Variants in GRIK3 observed in about 807,000 individuals in gnomAD.
GRIK3 encodes glutamate receptor ionotropic, kainate 3.
Under a neutral mutation model 102.5 loss-of-function variants are expected in GRIK3, and 29 were observed. That is an observed-to-expected ratio of 0.28 (90% CI 0.21 to 0.39). GRIK3 has a LOEUF of 0.39. GRIK3 is among the 10% of genes least tolerant of loss of function. GRIK3 has a pLI of 1.00. For missense variants in GRIK3, 908 were observed against 1,252.4 expected, an observed-to-expected ratio of 0.73 and a Z score of 4.15; for synonymous variants, 511 against 504.9, an observed-to-expected ratio of 1.01 and a Z score of -0.16.
At chr1:36,975,522 C>G (rs1050060416) in intron 1 of GRIK3, among the ~76,000 whole-genome samples, 1 of 152,100 alleles carries the variant, frequency 6.6e-6, no homozygotes, top group African/African-American at 2.4e-5. Flanking sequence ...TCTCGATCTC[C>G]GGACCTCGTG....
intron 2 of GRIK3, among the ~76,000 whole-genome samples, chr1:36,886,111 T>C (rs770012867): frequency 2.0e-5 from 3 of 152,196 alleles, no homozygotes; most frequent in African/African-American, 4.8e-5. Flanking sequence ...TGGCGCTGCC[T>C]GGAAGTCACT....
At chr1:37,023,013 T>C (rs1454187700) in intron 1 of GRIK3, among the ~76,000 whole-genome samples, 1 of 152,144 alleles carries the variant, frequency 6.6e-6, no homozygotes, top group Non-Finnish European at 1.5e-5. Context: ...AACCTTAGTA[T>C]GAGTAGAAGT....
In GRIK3 at chr1:36,923,194, T is replaced by C. The variant is rs3753766; in HGVS notation, c.116-32098A>G. 5.1e-4 allele frequency among the ~76,000 whole-genome samples: 77 copies of C among 152,264 alleles called. 1 individual carries two copies. The East Asian group carries it at 0.011, about 22-fold the overall frequency. On this transcript the variant is annotated intron_variant, in intron 1 of 15. Transcript: ENST00000373091. Reference sequence around the variant, plus strand: ...TGATTAAAACCACCCTAGGTAAAAATGTACGTATCAGCGCTTTGCCCACAG... The same window carrying C: ...TGATTAAAACCACCCTAGGTAAAAACGTACGTATCAGCGCTTTGCCCACAG...
intron 1 of GRIK3, among the ~76,000 whole-genome samples, chr1:36,957,932 C>T (rs1206983607): frequency 1.2e-4 from 7 of 58,692 alleles, no homozygotes; most frequent in African/African-American, 4.0e-4. Flanking sequence ...CTGTGTGCCC[C>T]ATGAGCCTGT....
At chr1:36,832,210 C>T (rs544797403) in intron 10 of GRIK3, among the ~76,000 whole-genome samples, 3 of 152,194 alleles carry the variant, frequency 2.0e-5, no homozygotes, top group Non-Finnish European at 4.4e-5. Context: ...AGAGTGAGGC[C>T]GGAGCCTGTC....
intron 10 of GRIK3, among the ~76,000 whole-genome samples, chr1:36,831,743 G>A (rs1640302501): frequency 6.6e-6 from 1 of 152,188 alleles, no homozygotes; most frequent in East Asian, 1.9e-4. Context: ...TTGTAAGACT[G>A]AGGAACTGAA....
At chr1:36,956,563 C>T (rs968008636) in intron 1 of GRIK3, among the ~76,000 whole-genome samples, 15 of 152,258 alleles carry the variant, frequency 9.9e-5, no homozygotes, top group Admixed American at 2.0e-4. Context: ...ACACCACTCT[C>T]GACCATCACA....
At chr1:36,845,919 G>A (rs1409846031) in intron 9 of GRIK3, among the ~76,000 whole-genome samples, 2 of 152,110 alleles carry the variant, frequency 1.3e-5, no homozygotes, top group African/African-American at 2.4e-5. Context: ...GAGCCTATGT[G>A]GGTCACGATG....
Position 36,953,775 on chromosome 1 carries a change from G to T in GRIK3, c.116-62679C>A, listed in dbSNP as rs117662440. Among the ~76,000 whole-genome samples the T allele has an allele frequency of 2.1e-3, 312 of 152,164 alleles. 9 individuals are homozygous for T. The East Asian group carries it at 0.058, about 28-fold the overall frequency. On this transcript the variant is annotated intron_variant, in intron 1 of 15. Transcript: ENST00000373091. ...CAAGCAGAGATGCAGGGCAGGTGGTGAGAGATGCTCAGAGGGGATGCTCAC... is the reference window on the plus strand; with the variant it reads ...CAAGCAGAGATGCAGGGCAGGTGGTTAGAGATGCTCAGAGGGGATGCTCAC...
chr1:36,941,248 C>T (rs1161308743), intron 1 of GRIK3, among the ~76,000 whole-genome samples: 1 of 152,256 alleles, frequency 6.6e-6, no homozygotes, highest in Non-Finnish European at 1.5e-5. Flanking sequence ...CAGCCTGCAT[C>T]TACCTGTGCA....
chr1:36,936,902 A>T (rs946469974), intron 1 of GRIK3, among the ~76,000 whole-genome samples: 4 of 151,972 alleles, frequency 2.6e-5, no homozygotes, highest in African/African-American at 9.7e-5. Context: ...CTATCTCATG[A>T]TGTTATTGTA....
chr1:36,984,307 TC>T (rs1293569774), intron 1 of GRIK3, among the ~76,000 whole-genome samples: 1 of 152,192 alleles, frequency 6.6e-6, no homozygotes, highest in Non-Finnish European at 1.5e-5. Flanking sequence ...AAGCTACCCA[TC>T]CTCACACATG....
At chr1:36,949,574 CTTTTTT>C (rs60157852) in intron 1 of GRIK3, among the ~76,000 whole-genome samples, 3,772 of 99,550 alleles carry the variant, frequency 0.038, 48 homozygotes, top group African/African-American at 0.14. Flanking sequence ...CTCTCTCTTT[CTTTTTT>C]TTTTTTTTTT....
chr1:36,899,515 G>C (rs1641209619), intron 1 of GRIK3, among the ~76,000 whole-genome samples: 1 of 152,144 alleles, frequency 6.6e-6, no homozygotes, highest in African/African-American at 2.4e-5. Flanking sequence ...CCAGGGCCTA[G>C]AGGAAGGGGG....
chr1:36,875,753 T>C (rs1640907085), intron 3 of GRIK3, among the ~76,000 whole-genome samples: 1 of 152,248 alleles, frequency 6.6e-6, no homozygotes, highest in Non-Finnish European at 1.5e-5. Flanking sequence ...AAGAAATCAC[T>C]GACCCTGTGG....
chr1:36,802,964 G>A (rs1459982481), intron 15 of GRIK3, among the ~76,000 whole-genome samples: 1 of 152,070 alleles, frequency 6.6e-6, no homozygotes, highest in African/African-American at 2.4e-5. Flanking sequence ...TATGTGCCAG[G>A]CACTGTTCCA....
intron 9 of GRIK3, among the ~76,000 whole-genome samples, chr1:36,844,947 T>G (rs953174871): frequency 2.0e-5 from 3 of 152,150 alleles, no homozygotes; most frequent in Non-Finnish European, 4.4e-5. Flanking sequence ...CCTGGCCTGA[T>G]CCTCTAAAAT....
At chr1:36,907,423 A>T (rs1290837578) in intron 1 of GRIK3, among the ~76,000 whole-genome samples, 1 of 152,194 alleles carries the variant, frequency 6.6e-6, no homozygotes, top group Non-Finnish European at 1.5e-5. Context: ...GTGATGTCCG[A>T]TGCTGGGTTT....
At chr1:37,027,486 C>A (rs1034765931) in intron 1 of GRIK3, among the ~76,000 whole-genome samples, 9 of 152,140 alleles carry the variant, frequency 5.9e-5, no homozygotes, top group African/African-American at 1.9e-4. Context: ...GTCAGTCATG[C>A]AAGCAAAGGG....
Sources: allele counts gnomAD v4.1 joint callset (sites outside exome capture counted in the v4.1 genomes callset), GRCh38; gene constraint gnomAD v4.1.1; transcripts MANE v1.5; gene names NCBI Gene and HGNC (gene_info 2026-07-23, HGNC 2026-07-21).